The following CDK13 variants were observed in gnomAD, a reference collection of about 807,000 sequenced individuals.
CDK13 encodes the protein cyclin dependent kinase 13, also known as cyclin-dependent kinase 13.
CDK13 carries 40 observed loss-of-function variants against 137.6 expected under a neutral mutation model. That is an observed-to-expected ratio of 0.29 (90% confidence interval 0.23 to 0.38). CDK13 has a LOEUF of 0.38. Among genes scored for constraint, CDK13 ranks in the 10% least tolerant of loss-of-function variants. CDK13 has a pLI of 1.00. For synonymous variants in CDK13, 869 were observed against 760.1 expected, an observed-to-expected ratio of 1.14 and a Z score of -2.36; for missense variants, 1,704 against 1,951.8, an observed-to-expected ratio of 0.87 and a Z score of 2.39.
chr7:40,003,202 A>ACTCTCTCTCTCTCT (rs1334115140), intron 5 of CDK13, among the ~76,000 whole-genome samples: 15 of 81,034 alleles, frequency 1.9e-4, no homozygotes, highest in African/African-American at 5.8e-4. Flanking sequence ...ACACACACAC[A>ACTCTCTCTCTCTCT]CACACTCTCT....
At chr7:40,069,860 T>G (rs1786371917) in intron 9 of CDK13, 1 of 152,096 alleles carries the variant, frequency 6.6e-6, no homozygotes, top group Non-Finnish European at 1.5e-5. Context: ...GGCAGGTAGA[T>G]CATCTGAGGT....
intron 1 of CDK13, among the ~76,000 whole-genome samples, chr7:39,958,669 C>T (rs1787502808): frequency 6.6e-6 from 1 of 151,914 alleles, no homozygotes; most frequent in African/African-American, 2.4e-5. Flanking sequence ...TTGGCTGAAT[C>T]CACTTTGATA....
chr7:39,969,294 G>A (rs1783943579), intron 1 of CDK13, among the ~76,000 whole-genome samples: 1 of 152,202 alleles, frequency 6.6e-6, no homozygotes, highest in Non-Finnish European at 1.5e-5. Context: ...TTACAGTTAT[G>A]AGCTACGGCA....
chr7:40,093,322 C>T, intron 13 of CDK13, 85 bp downstream of exon 13: 1 of 1,116,598 alleles, frequency 9.0e-7, no homozygotes, highest in South Asian at 1.6e-5. Flanking sequence ...GTGTATAGTT[C>T]AGTGACATTG....
intron 9 of CDK13, chr7:40,069,270 A>G (rs1467271140): frequency 8.9e-6 from 4 of 447,380 alleles, no homozygotes; most frequent in Non-Finnish European, 1.8e-5. Context: ...ACATAAAAAG[A>G]TGCTTCAATT....
At chr7:39,981,239 G>A (rs1478341725) in intron 1 of CDK13, among the ~76,000 whole-genome samples, 5 of 151,902 alleles carry the variant, frequency 3.3e-5, no homozygotes, top group African/African-American at 1.2e-4. Context: ...GTGGTGGTGC[G>A]CGCCTGTAGT....
intron 7 of CDK13, among the ~76,000 whole-genome samples, chr7:40,053,807 A>G (rs1412445005): frequency 6.6e-6 from 1 of 151,822 alleles, no homozygotes; most frequent in African/African-American, 2.4e-5. Context: ...AAACTTAACT[A>G]ACGTTTGTGT....
chr7:39,985,132 C>T (rs1784310480), intron 1 of CDK13: 1 of 150,912 alleles, frequency 6.6e-6, no homozygotes, highest in Non-Finnish European at 1.5e-5. Flanking sequence ...ACTACCCCTC[C>T]AGCCTCTGGT....
intron 5 of CDK13, among the ~76,000 whole-genome samples, chr7:40,012,629 T>A (rs1006792042): frequency 4.0e-5 from 6 of 151,516 alleles, no homozygotes; most frequent in African/African-American, 7.3e-5. Flanking sequence ...ATAAAAAATC[T>A]GAAGGCCGGG....
At chr7:39,999,758 T>C (rs1336993753) in intron 4 of CDK13, among the ~76,000 whole-genome samples, 2 of 152,236 alleles carry the variant, frequency 1.3e-5, no homozygotes, top group Admixed American at 1.3e-4. Context: ...TAGTTTTTCT[T>C]TCCTCTTTTA....
At chr7:39,996,987 A>AAAAAAAAAAAAAC (rs1562719405) in intron 2 of CDK13, among the ~76,000 whole-genome samples, 1 of 150,938 alleles carries the variant, frequency 6.6e-6, no homozygotes, top group African/African-American at 2.5e-5. Flanking sequence ...GAAAAAAAAA[A>AAAAAAAAAAAAAC]AGAAAAATGC....
chr7:40,039,630 C>T (rs1215092141), intron 5 of CDK13, among the ~76,000 whole-genome samples: 1 of 151,754 alleles, frequency 6.6e-6, no homozygotes, highest in Non-Finnish European at 1.5e-5. Flanking sequence ...GAGAGTTTCA[C>T]CATGTTGGCC....
At chr7:39,968,549 T>C (rs921749870) in intron 1 of CDK13, among the ~76,000 whole-genome samples, 2 of 152,192 alleles carry the variant, frequency 1.3e-5, no homozygotes, top group African/African-American at 4.8e-5. Context: ...CCATCACCAT[T>C]TATTGAAGAG....
chr7:39,987,782 A>T lies in CDK13; in HGVS notation c.1395A>T (p.Ala465=), dbSNP rs1784370172. Reference sequence around the variant, plus strand: ...AAAAAGCACGAGCAGCAGAGGCAGCAAGAGCCGCAGAAGCAGCGAAAGCTG... The same window carrying T: ...AAAAAGCACGAGCAGCAGAGGCAGCTAGAGCCGCAGAAGCAGCGAAAGCTG... ...KNKKARAAEA[A]RAAEAAKAAE... Residue 465 remains alanine, a synonymous_variant, in exon 2 of 14, where the codon GCA becomes GCT. Transcript: ENST00000181839. 1 of 1,613,976 alleles carries T rather than the reference A, an allele frequency of 6.2e-7. No individual in the cohort carries two copies. The highest frequency in any genetic ancestry group is 1.3e-5 in the African/African-American group (1 of 74,936).
intron 5 of CDK13, among the ~76,000 whole-genome samples, chr7:40,014,471 T>G (rs1784963200): frequency 3.0e-5 from 4 of 133,130 alleles, no homozygotes; most frequent in African/African-American, 1.3e-4. Flanking sequence ...TTTTTTTTTT[T>G]GAGATGGCCT....
chr7:40,016,318 C>G (rs143648797), intron 5 of CDK13, among the ~76,000 whole-genome samples: 148 of 152,260 alleles, frequency 9.7e-4, no homozygotes, highest in African/African-American at 2.4e-3. Context: ...TTGAGTGTTA[C>G]AAGAAGATCA....
intron 5 of CDK13, among the ~76,000 whole-genome samples, chr7:40,032,164 T>G (rs1785394251): frequency 6.6e-6 from 1 of 151,408 alleles, no homozygotes; most frequent in Non-Finnish European, 1.5e-5. Flanking sequence ...TCAAGCCGTC[T>G]TCCCACCTCA....
At chr7:40,035,325 A>G (rs544811690) in intron 5 of CDK13, among the ~76,000 whole-genome samples, 2 of 152,336 alleles carry the variant, frequency 1.3e-5, no homozygotes, top group Admixed American at 1.3e-4. Flanking sequence ...AGGGTTTCCC[A>G]GCCCCCAGGC....
rs575357770 is a variant in CDK13 at position 40,097,897 on chromosome 7, C to T, written c.*2917C>T. The stretch of plus-strand genomic sequence containing the variant: ...TTTATTCTGTCAGCAAATACATAGT[C>T]AGTGCCTACAACATGCCAGGTAGTA... On this transcript the variant is annotated 3_prime_UTR_variant, in exon 14 of 14. Transcript: ENST00000181839. 1.3e-5 allele frequency: 2 copies of T among 152,234 alleles called. No homozygotes were observed. The highest frequency in any genetic ancestry group is 4.8e-5 in the African/African-American group (2 of 41,566). 9.4% of individuals were successfully genotyped at this position (152,234 alleles called of 1,614,324 possible). A position where few individuals can be genotyped will look rare whatever the true frequency, so the allele number is the denominator to read the frequency against.
Sources: allele counts gnomAD v4.1 joint callset (sites outside exome capture counted in the v4.1 genomes callset), GRCh38; gene constraint gnomAD v4.1.1; transcripts MANE v1.5; gene names NCBI Gene and HGNC (gene_info 2026-07-23, HGNC 2026-07-21).